NREP: variants seen among roughly 807,000 people sequenced by gnomAD.
NREP encodes neuronal regeneration-related protein.
A neutral mutation model predicts 8.6 loss-of-function variants in NREP; 5 were observed. The ratio of observed to expected loss-of-function variants is 0.58; its 90% CI spans 0.30 to 1.22. The LOEUF (loss-of-function observed/expected upper bound fraction) is 1.22, where lower values mean the gene tolerates loss of function less well. NREP is among the 50% of genes most tolerant of loss of function. The pLI, the probability that NREP is intolerant of heterozygous loss-of-function variation, is 0.07. For synonymous variants in NREP, 27 were observed against 28.0 expected, an observed-to-expected ratio of 0.96 and a Z score of 0.11; for missense variants, 86 against 82.5, an observed-to-expected ratio of 1.04 and a Z score of -0.17.
intron 2 of NREP, among the ~76,000 whole-genome samples, chr5:111,772,452 G>C (rs944670676): frequency 3.9e-5 from 6 of 152,060 alleles, no homozygotes; most frequent in African/African-American, 1.4e-4. Context: ...TAAAAAATGT[G>C]ATTACATTTT....
chr5:111,884,747 A>G (rs778190014), intron 2 of NREP, among the ~76,000 whole-genome samples: 15 of 152,152 alleles, frequency 9.9e-5, no homozygotes, highest in African/African-American at 1.7e-4. Flanking sequence ...CAATAGATGC[A>G]GAAAAGGCCT....
chr5:111,867,036 C>T (rs1753682840), intron 2 of NREP, among the ~76,000 whole-genome samples: 1 of 151,662 alleles, frequency 6.6e-6, no homozygotes, highest in Non-Finnish European at 1.5e-5. Context: ...TGGAGATATA[C>T]CTAATGTTAA....
At chr5:111,771,796 T>C (rs1393886061) in intron 2 of NREP, among the ~76,000 whole-genome samples, 2 of 150,510 alleles carry the variant, frequency 1.3e-5, no homozygotes, top group African/African-American at 4.9e-5. Context: ...ATCAATAGAA[T>C]ATTTAGAAGC....
chr5:111,810,626 A>T (rs758566613), intron 2 of NREP, among the ~76,000 whole-genome samples: 34 of 152,358 alleles, frequency 2.2e-4, no homozygotes, highest in Admixed American at 2.6e-4. Context: ...ATGAAACAGA[A>T]ATAACATTCA....
chr5:111,896,088 T>C (rs1408647889), intron 2 of NREP, among the ~76,000 whole-genome samples: 1 of 152,156 alleles, frequency 6.6e-6, no homozygotes, highest in Non-Finnish European at 1.5e-5. Flanking sequence ...AAAAAGATCA[T>C]CTTAGCTGTT....
chr5:111,817,845 T>C (rs915092724), intron 2 of NREP, among the ~76,000 whole-genome samples: 25 of 149,510 alleles, frequency 1.7e-4, no homozygotes, highest in African/African-American at 5.9e-4. Context: ...TACACTGATA[T>C]ATGTGTATGT....
chr5:111,764,237 A>G (rs1300473652), intron 2 of NREP, among the ~76,000 whole-genome samples: 1 of 152,170 alleles, frequency 6.6e-6, no homozygotes, highest in Non-Finnish European at 1.5e-5. Flanking sequence ...CTAGTTGTGA[A>G]GTTGCTTCAG....
intron 3 of NREP, 100 bp downstream of exon 3, chr5:111,735,330 C>A: frequency 2.8e-6 from 2 of 725,034 alleles, no homozygotes; most frequent in Non-Finnish European, 4.8e-6. Flanking sequence ...ATTGTTATAG[C>A]AGCCTATAAT....
chr5:111,819,916 G>A (rs1427332632), intron 2 of NREP, among the ~76,000 whole-genome samples: 1 of 152,032 alleles, frequency 6.6e-6, no homozygotes, highest in South Asian at 2.1e-4. Flanking sequence ...CTTATTAATT[G>A]GTAAGTCTTG....
intron 2 of NREP, among the ~76,000 whole-genome samples, chr5:111,884,399 G>A (rs1231087853): frequency 6.6e-6 from 1 of 151,842 alleles, no homozygotes. Context: ...AGAGGTACAA[G>A]GAGGAACTGG....
At chr5:111,883,752 A>G (rs1754152211) in intron 2 of NREP, among the ~76,000 whole-genome samples, 1 of 152,230 alleles carries the variant, frequency 6.6e-6, no homozygotes, top group Non-Finnish European at 1.5e-5. Context: ...GAAAGCAGAA[A>G]TAAAGATGTT....
At chr5:111,769,712 C>A (rs1488914110) in intron 2 of NREP, among the ~76,000 whole-genome samples, 3 of 152,174 alleles carry the variant, frequency 2.0e-5, no homozygotes, top group Non-Finnish European at 2.9e-5. Context: ...GGGAAGCAAG[C>A]CCGTCTTACT....
In NREP at chr5:111,852,379, T is replaced by G. The variant is rs6594549; in HGVS notation, c.136-116872A>C. Among the ~76,000 whole-genome samples, 5 of 152,126 alleles carry G rather than the reference T, an allele frequency of 3.3e-5. No individual in the cohort carries two copies. The East Asian group carries it at 7.7e-4, about 23-fold the overall frequency. On this transcript the variant is annotated intron_variant, in intron 2 of 3. Coordinates refer to the NREP transcript ENST00000395634. ...CTTACATCTTCTAGTGTATGTGAGG[T>G]CCCCTTCACACTCTGACGAGGGGCG...
chr5:111,759,010 A>G (rs1285609332), upstream of NREP, among the ~76,000 whole-genome samples: 2 of 152,232 alleles, frequency 1.3e-5, no homozygotes, highest in African/African-American at 4.8e-5. Context: ...AGCCATAGCT[A>G]GGAACAAAGG....
intron 2 of NREP, among the ~76,000 whole-genome samples, chr5:111,815,287 T>C (rs889471730): frequency 5.9e-5 from 9 of 152,146 alleles, no homozygotes; most frequent in Non-Finnish European, 1.0e-4. Flanking sequence ...AAACTGGAAA[T>C]TGGCAAGCCT....
intron 2 of NREP, among the ~76,000 whole-genome samples, chr5:111,876,932 A>G (rs1753924088): frequency 6.6e-6 from 1 of 152,236 alleles, no homozygotes; most frequent in Non-Finnish European, 1.5e-5. Flanking sequence ...TAAGTGATAG[A>G]ATCAGAATGT....
chr5:111,735,900 T>C (rs1048459502), intron 2 of NREP, among the ~76,000 whole-genome samples: 1 of 152,168 alleles, frequency 6.6e-6, no homozygotes. Flanking sequence ...GATCATTTAT[T>C]AGAAGGCCAA....
At chr5:111,838,226 T>A (rs186296527) in intron 2 of NREP, among the ~76,000 whole-genome samples, 1 of 152,188 alleles carries the variant, frequency 6.6e-6, no homozygotes. Context: ...ATTTGCAGAA[T>A]GTCTTCTAAA....
Position 111,767,478 on chromosome 5 carries a change from G to C in NREP, c.136-31971C>G, listed in dbSNP as rs185616137. On this transcript the variant is annotated intron_variant, in intron 2 of 3. Coordinates refer to the NREP transcript ENST00000395634. ...AGGACCCACAAGCATCATAAACTCA[G>C]CTAATCCAAAACTGCTTACCATCTC... Among the ~76,000 whole-genome samples the C allele has an allele frequency of 1.3e-3, 191 of 152,202 alleles. 1 individual carries two copies. Among genetic ancestry groups the C allele is most frequent in the African/African-American group, 4.5e-3 (186 of 41,530 alleles).
Sources: gnomAD v4.1 joint callset for allele counts (sites outside exome capture counted in the v4.1 genomes callset) on GRCh38, gnomAD v4.1.1 for gene constraint, MANE v1.5 for transcripts, NCBI Gene and HGNC (gene_info 2026-07-23, HGNC 2026-07-21) for gene names.